ASTN2: variants seen among roughly 807,000 people sequenced by gnomAD.
The protein encoded by ASTN2 is astrotactin-2.
In ASTN2, 54 loss-of-function variants were observed where a neutral mutation model predicts 139.8. The ratio of observed to expected loss-of-function variants is 0.39; its 90% CI spans 0.31 to 0.48. The LOEUF is 0.48. Among genes scored for constraint, ASTN2 ranks in the 20% least tolerant of loss-of-function variants. The pLI is 0.95. For synonymous variants in ASTN2, 756 were observed against 719.5 expected (o/e 1.05, Z -0.81); for missense variants, 1,565 against 1,725.1 (o/e 0.91, Z 1.64).
At chr9:116,657,603 G>A (rs1400398015) in intron 16 of ASTN2, among the ~76,000 whole-genome samples, 2 of 152,228 alleles carry the variant, frequency 1.3e-5, no homozygotes, top group Admixed American at 1.3e-4. Context: ...TACTTTGGGA[G>A]GCCAAGGCGG....
At chr9:116,883,879 C>T (rs1327928552) in intron 10 of ASTN2, among the ~76,000 whole-genome samples, 3 of 152,158 alleles carry the variant, frequency 2.0e-5, no homozygotes, top group Non-Finnish European at 4.4e-5. Context: ...GACAGCATGT[C>T]CTGAGTTTTG....
chr9:117,136,701 C>A (rs1829959715), intron 4 of ASTN2, among the ~76,000 whole-genome samples: 1 of 152,140 alleles, frequency 6.6e-6, no homozygotes, highest in Non-Finnish European at 1.5e-5. Flanking sequence ...CTCAACCAAG[C>A]TAGAGGCAGT....
chr9:116,930,320 C>T (rs1259983053), intron 10 of ASTN2, among the ~76,000 whole-genome samples: 1 of 152,014 alleles, frequency 6.6e-6, no homozygotes, highest in East Asian at 1.9e-4. Context: ...TTCTTAAGAC[C>T]CCTGACCTGG....
At chr9:116,545,023 C>T (rs1017461127) in intron 19 of ASTN2, among the ~76,000 whole-genome samples, 2 of 152,156 alleles carry the variant, frequency 1.3e-5, no homozygotes, top group African/African-American at 4.8e-5. Context: ...TGGACAGGCC[C>T]GGCTCCTCCT....
At chr9:117,008,579 C>T (rs984083610) in intron 6 of ASTN2, among the ~76,000 whole-genome samples, 4 of 152,094 alleles carry the variant, frequency 2.6e-5, no homozygotes, top group African/African-American at 9.7e-5. Context: ...TTGGTTACTT[C>T]CTCTGTAAAG....
intron 20 of ASTN2, among the ~76,000 whole-genome samples, chr9:116,477,250 G>A (rs566418597): frequency 6.6e-6 from 1 of 152,108 alleles, no homozygotes; most frequent in Non-Finnish European, 1.5e-5. Context: ...TGGGATGCAC[G>A]GCTGTATTTG....
intron 11 of ASTN2, among the ~76,000 whole-genome samples, chr9:116,849,381 G>A (rs2132319565): frequency 6.6e-6 from 1 of 152,214 alleles, no homozygotes; most frequent in Admixed American, 6.5e-5. Flanking sequence ...TCACCCTGAA[G>A]CTACCTAAGG....
chr9:117,169,239 CA>C (rs1564459102), intron 3 of ASTN2, among the ~76,000 whole-genome samples: 4 of 152,000 alleles, frequency 2.6e-5, no homozygotes, highest in South Asian at 2.1e-4. Context: ...ATTTTCCACC[CA>C]GGGGGTCTTT....
intron 10 of ASTN2, among the ~76,000 whole-genome samples, chr9:116,966,293 A>C (rs566364526): frequency 6.6e-6 from 1 of 152,330 alleles, no homozygotes; most frequent in Non-Finnish European, 1.5e-5. Flanking sequence ...TCCTGCATGT[A>C]AGATAGAAGC....
At chr9:116,880,110 C>T (rs893496919) in intron 10 of ASTN2, among the ~76,000 whole-genome samples, 2 of 152,102 alleles carry the variant, frequency 1.3e-5, no homozygotes, top group African/African-American at 4.8e-5. Flanking sequence ...AAGACATTTA[C>T]AACAAATGCA....
At chr9:116,688,159 G>A (rs1860368928) in intron 16 of ASTN2, among the ~76,000 whole-genome samples, 1 of 151,976 alleles carries the variant, frequency 6.6e-6, no homozygotes, top group African/African-American at 2.4e-5. Context: ...TTGGAAATAG[G>A]GATTAAACGA....
chr9:117,090,006 A>T (rs995990473), intron 5 of ASTN2, among the ~76,000 whole-genome samples: 6 of 152,222 alleles, frequency 3.9e-5, no homozygotes, highest in Admixed American at 2.6e-4. Flanking sequence ...AGCATGGTGA[A>T]TTTGTACACA....
At chr9:116,969,179 A>T (rs1011200426) in intron 10 of ASTN2, among the ~76,000 whole-genome samples, 2 of 152,262 alleles carry the variant, frequency 1.3e-5, no homozygotes, top group South Asian at 2.1e-4. Context: ...ATTGGCAAAG[A>T]TCCCAAAATA....
intron 2 of ASTN2, among the ~76,000 whole-genome samples, chr9:117,289,428 A>G (rs866708871): frequency 2.3e-4 from 35 of 152,314 alleles, no homozygotes; most frequent in African/African-American, 7.2e-4. Context: ...AAAACCTACC[A>G]TCCTGGGGAG....
chr9:117,242,659 G>A (rs1388749679), intron 2 of ASTN2, among the ~76,000 whole-genome samples: 9 of 152,244 alleles, frequency 5.9e-5, no homozygotes, highest in Admixed American at 5.9e-4. Context: ...GAGGAAGCAA[G>A]TGGGCCTAAG....
rs1276392211 is a variant in ASTN2, at chr9:117,352,412, A to T, written c.443-60899T>A. 4.6e-5 allele frequency among the ~76,000 whole-genome samples: 7 copies of T among 152,218 alleles called. 1 individual carries two copies. Among genetic ancestry groups the T allele is most frequent in the Non-Finnish European group, 7.3e-5 (5 of 68,040 alleles). On this transcript the variant is annotated intron_variant, in intron 1 of 22. Transcript: ENST00000313400. ...ACCTGGAACCTCCTACACATTAAACACACAGAGGTCAAACAAAATATTCTC... is the reference window on the plus strand; with the variant it reads ...ACCTGGAACCTCCTACACATTAAACTCACAGAGGTCAAACAAAATATTCTC...
At chr9:116,891,680 G>A (rs909455000) in intron 10 of ASTN2, among the ~76,000 whole-genome samples, 1 of 152,190 alleles carries the variant, frequency 6.6e-6, no homozygotes, top group African/African-American at 2.4e-5. Context: ...TCTAGTCCAC[G>A]AAGTGAGTTG....
intron 2 of ASTN2, among the ~76,000 whole-genome samples, chr9:117,236,988 A>C (rs1233947589): frequency 6.6e-6 from 1 of 152,232 alleles, no homozygotes; most frequent in Non-Finnish European, 1.5e-5. Flanking sequence ...ACATTAGTCC[A>C]GGTCCAATTG....
intron 3 of ASTN2, among the ~76,000 whole-genome samples, chr9:117,164,175 AG>A (rs1295226577): frequency 1.3e-5 from 2 of 152,202 alleles, no homozygotes; most frequent in African/African-American, 4.8e-5. Context: ...CCACTTTTAG[AG>A]GTATGTGAAA....
Sources: allele counts gnomAD v4.1 joint callset (sites outside exome capture counted in the v4.1 genomes callset), GRCh38; gene constraint gnomAD v4.1.1; transcripts MANE v1.5; gene names NCBI Gene and HGNC (gene_info 2026-07-23, HGNC 2026-07-21).